The following GLIS3 variants were observed in gnomAD, a reference collection of about 807,000 sequenced individuals.
GLIS3 encodes GLIS family zinc finger 3.
In GLIS3, 53 loss-of-function variants were observed where a neutral mutation model predicts 78.6. The ratio of observed to expected loss-of-function variants is 0.67; its 90% CI spans 0.54 to 0.85. GLIS3 has a LOEUF of 0.85. Ranked by LOEUF, GLIS3 falls within the 40% of genes least tolerant of loss-of-function variation. The pLI is 0.00. For missense variants in GLIS3, 1,703 were observed against 1,231.1 expected, an observed-to-expected ratio of 1.38 and a Z score of -5.74; for synonymous variants, 684 against 509.9, an observed-to-expected ratio of 1.34 and a Z score of -4.60.
chr9:4,397,555 T>A, the GLIS3 span, among the ~76,000 whole-genome samples: 1 of 151,112 alleles, frequency 6.6e-6, no homozygotes, highest in South Asian at 2.1e-4. Context: ...TCAAGGCTAG[T>A]GTAACCCTGC....
Position 4,083,836 on chromosome 9 carries a change from T to C in GLIS3, c.1710+33932A>G, listed in dbSNP as rs145022794. 1.5e-3 allele frequency among the ~76,000 whole-genome samples: 231 copies of C among 152,332 alleles called. 1 individual carries two copies. Among genetic ancestry groups the C allele is most frequent in the Non-Finnish European group, 2.7e-3 (186 of 68,020 alleles). ...AGCTAAGCTTACAGTACTCTTGCCCTATGTACCATTTGCTTACATCAATAA... is the reference window on the plus strand; with the variant it reads ...AGCTAAGCTTACAGTACTCTTGCCCCATGTACCATTTGCTTACATCAATAA... On this transcript the variant is annotated intron_variant, in intron 4 of 10. Transcript: ENST00000381971.
chr9:4,148,522 G>T (rs1419163262), intron 2 of GLIS3, among the ~76,000 whole-genome samples: 2 of 152,010 alleles, frequency 1.3e-5, no homozygotes, highest in Non-Finnish European at 1.5e-5. Context: ...CTTTTGTGCT[G>T]TGGATCAATT....
At chr9:4,278,488 G>C (rs193206467) in intron 2 of GLIS3, among the ~76,000 whole-genome samples, 2 of 152,284 alleles carry the variant, frequency 1.3e-5, no homozygotes, top group African/African-American at 4.8e-5. Flanking sequence ...ATTTGGGACA[G>C]TTTGAGCATC....
the GLIS3 span, among the ~76,000 whole-genome samples, chr9:4,406,797 G>C: frequency 1.3e-5 from 2 of 152,020 alleles, no homozygotes; most frequent in African/African-American, 4.8e-5. Flanking sequence ...AAATTGAAGA[G>C]GACACACACA....
At chr9:4,274,440 G>C (rs1484781654) in intron 2 of GLIS3, among the ~76,000 whole-genome samples, 2 of 152,068 alleles carry the variant, frequency 1.3e-5, no homozygotes, top group African/African-American at 4.8e-5. Flanking sequence ...AAGGTGCCCA[G>C]AGCCTCACTG....
At chr9:4,108,236 C>T (rs147728490) in intron 4 of GLIS3, among the ~76,000 whole-genome samples, 4 of 152,254 alleles carry the variant, frequency 2.6e-5, no homozygotes, top group East Asian at 1.9e-4. Flanking sequence ...CTTTCTTTCT[C>T]GTTAAAATGT....
At chr9:4,301,703 A>G (rs774036971), upstream of GLIS3, among the ~76,000 whole-genome samples, 1 of 152,214 alleles carries the variant, frequency 6.6e-6, no homozygotes, top group African/African-American at 2.4e-5. Context: ...TTTGATGCAT[A>G]GAATGGTATC....
intron 4 of GLIS3, among the ~76,000 whole-genome samples, chr9:4,023,587 A>G (rs1418952932): frequency 6.6e-6 from 1 of 152,050 alleles, no homozygotes; most frequent in Non-Finnish European, 1.5e-5. Flanking sequence ...TTTGTGGCCC[A>G]CAGAGCGAGC....
intron 2 of GLIS3, among the ~76,000 whole-genome samples, chr9:4,236,251 G>C (rs989809298): frequency 6.6e-6 from 1 of 151,108 alleles, no homozygotes; most frequent in Non-Finnish European, 1.5e-5. Flanking sequence ...TAGAGAAGAG[G>C]GGAAACCTTT....
intron 4 of GLIS3, among the ~76,000 whole-genome samples, chr9:4,060,920 C>G (rs531332007): frequency 6.6e-6 from 1 of 152,322 alleles, no homozygotes; most frequent in African/African-American, 2.4e-5. Flanking sequence ...TGCCACCACT[C>G]CCACTTTGCC....
chr9:4,184,376 T>C (rs1394642446), intron 2 of GLIS3, among the ~76,000 whole-genome samples: 1 of 152,216 alleles, frequency 6.6e-6, no homozygotes, highest in Non-Finnish European at 1.5e-5. Flanking sequence ...AGCAACCAAA[T>C]AAAGAATATA....
At chr9:3,925,870 G>A (rs965458542) in intron 6 of GLIS3, among the ~76,000 whole-genome samples, 13 of 152,224 alleles carry the variant, frequency 8.5e-5, no homozygotes, top group East Asian at 3.9e-4. Context: ...CTTAATTCTC[G>A]TTTTATCAAT....
intron 6 of GLIS3, among the ~76,000 whole-genome samples, chr9:3,911,199 A>G (rs1005890383): frequency 2.0e-5 from 3 of 152,048 alleles, no homozygotes; most frequent in Non-Finnish European, 4.4e-5. Context: ...CGCTAGGCCC[A>G]GGAGATAAAG....
the GLIS3 span, among the ~76,000 whole-genome samples, chr9:4,432,493 C>T: frequency 6.6e-6 from 1 of 152,148 alleles, no homozygotes; most frequent in South Asian, 2.1e-4. Flanking sequence ...GGTAAGAAGG[C>T]CTCAAACACC....
intron 2 of GLIS3, among the ~76,000 whole-genome samples, chr9:4,208,579 G>A (rs555595861): frequency 2.6e-5 from 4 of 152,228 alleles, no homozygotes; most frequent in Non-Finnish European, 4.4e-5. Context: ...CCGTTTGGGA[G>A]AGGGGATTTT....
intron 4 of GLIS3, among the ~76,000 whole-genome samples, chr9:4,035,537 C>G (rs534031815): frequency 6.6e-6 from 1 of 151,958 alleles, no homozygotes; most frequent in African/African-American, 2.4e-5. Flanking sequence ...CTTTCCCTTC[C>G]CCCTGCCAGT....
intron 2 of GLIS3, among the ~76,000 whole-genome samples, chr9:4,157,669 G>A (rs1835138634): frequency 1.3e-5 from 2 of 152,106 alleles, no homozygotes; most frequent in African/African-American, 4.8e-5. Flanking sequence ...ACATTTGCAG[G>A]AAATCTAAAT....
chr9:3,967,645 C>T (rs12552476), intron 4 of GLIS3, among the ~76,000 whole-genome samples: 12,418 of 152,262 alleles, frequency 0.082, 561 homozygotes, highest in Middle Eastern at 0.13. Flanking sequence ...ATCAATACTA[C>T]AGACTGTGAT....
At chr9:4,126,916 T>C (rs1415607486) in intron 2 of GLIS3, among the ~76,000 whole-genome samples, 1 of 152,204 alleles carries the variant, frequency 6.6e-6, no homozygotes, top group African/African-American at 2.4e-5. Flanking sequence ...TTTTCATTGA[T>C]ATATTTGGGA....
Sources: gnomAD v4.1 joint callset for allele counts (sites outside exome capture counted in the v4.1 genomes callset) on GRCh38, gnomAD v4.1.1 for gene constraint, MANE v1.5 for transcripts, NCBI Gene and HGNC (gene_info 2026-07-23, HGNC 2026-07-21) for gene names.